Variants in CCDC57 observed in about 807,000 individuals in gnomAD.
The protein encoded by CCDC57 is coiled-coil domain-containing protein 57.
A neutral mutation model predicts 118.9 loss-of-function variants in CCDC57; 118 were observed. The observed-to-expected ratio is 0.99, with a 90% confidence interval of 0.86 to 1.16. The LOEUF (loss-of-function observed/expected upper bound fraction) is 1.16, where lower values mean the gene tolerates loss of function less well. CCDC57 is among the 50% of genes most tolerant of loss of function. CCDC57 has a pLI of 0.00. For synonymous variants in CCDC57, 527 were observed against 532.9 expected, an observed-to-expected ratio of 0.99 and a Z score of 0.15; for missense variants, 1,300 against 1,320.7, an observed-to-expected ratio of 0.98 and a Z score of 0.24.
intron 19 of CCDC57, chr17:82,106,374 C>G (rs1027893226): frequency 6.6e-6 from 1 of 152,486 alleles, no homozygotes; most frequent in Admixed American, 6.5e-5. Flanking sequence ...CAGAGCCCAT[C>G]TGAGCTCAGC....
chr17:82,143,202 C>T (rs4789678), intron 16 of CCDC57, among the ~76,000 whole-genome samples: 72,312 of 151,250 alleles, frequency 0.48, 18,042 homozygotes, highest in East Asian at 0.88. Context: ...ATTACACTGA[C>T]AGTACTATCC....
intron 15 of CCDC57, 68 bp from the exon 15 acceptor site, chr17:82,151,841 A>AC (rs2042105135): frequency 7.3e-7 from 1 of 1,373,790 alleles, no homozygotes; most frequent in African/African-American, 1.4e-5. Context: ...AGGGGTGCCC[A>AC]CCCAAGGAGC....
chr17:82,140,971 C>G (rs958540321), intron 16 of CCDC57, among the ~76,000 whole-genome samples: 1 of 116,312 alleles, frequency 8.6e-6, no homozygotes, highest in Non-Finnish European at 1.8e-5. Flanking sequence ...AAGCAAGAGG[C>G]TTTTATTTAT....
chr17:82,163,461 G>GA, intron 13 of CCDC57, 104 bp from the exon 13 acceptor site: 1 of 1,383,226 alleles, frequency 7.2e-7, no homozygotes, highest in Non-Finnish European at 9.8e-7. Context: ...GTGAGGCCAT[G>GA]GCACCAGCGG....
At chr17:82,115,492 C>T (rs1274446173) in intron 19 of CCDC57, among the ~76,000 whole-genome samples, 1 of 152,100 alleles carries the variant, frequency 6.6e-6, no homozygotes, top group Non-Finnish European at 1.5e-5. Context: ...TTTTATGGGC[C>T]AGGCATGGTG....
intron 19 of CCDC57, chr17:82,112,208 A>G: frequency 6.6e-6 from 1 of 152,370 alleles, no homozygotes; most frequent in South Asian, 2.1e-4. Flanking sequence ...TCCTGGCCTC[A>G]GGTGATCTGC....
At chr17:82,185,605 T>TGA (rs1442026258) in intron 8 of CCDC57, among the ~76,000 whole-genome samples, 3 of 150,182 alleles carry the variant, frequency 2.0e-5, no homozygotes, top group Admixed American at 2.0e-4. Context: ...GGTGACAGAG[T>TGA]GAGACCTTGT....
At chr17:82,208,732 C>T (rs1368627269) in intron 1 of CCDC57, among the ~76,000 whole-genome samples, 1 of 152,000 alleles carries the variant, frequency 6.6e-6, no homozygotes, top group Non-Finnish European at 1.5e-5. Context: ...GATGGGGTTC[C>T]ACTATATTGT....
chr17:82,113,050 T>C, intron 19 of CCDC57: 1 of 337,352 alleles, frequency 3.0e-6, no homozygotes. Flanking sequence ...ATGTATTTAC[T>C]TTGTTCTAAA....
Position 82,127,815 on chromosome 17 carries a change from C to T in CCDC57, c.2776G>A (p.Glu926Lys), listed in dbSNP as rs1185003351. ...GAGCTGTGGGATTGGCGACCATGCT[C>T]CTCAGGGTGCTGGGGAGCCTGGGGT... The change falls in exon 19 of 20, where the codon GAG becomes AAG. Residue 926 changes from glutamate (E) to lysine (K), a missense_variant. Coordinates refer to ENST00000665763, the Ensembl canonical transcript of CCDC57. The T allele has an allele frequency of 1.9e-6, 3 of 1,612,958 alleles. No individual in the cohort carries two copies. The South Asian group carries it at 3.3e-5, about 18-fold the overall frequency.
chr17:82,107,947 C>T (rs571067302), intron 19 of CCDC57, among the ~76,000 whole-genome samples: 47 of 152,310 alleles, frequency 3.1e-4, no homozygotes, highest in African/African-American at 9.6e-4. Flanking sequence ...GGCTTTGGAT[C>T]ACTCTGCACA....
At chr17:82,122,784 C>T (rs1369969894) in intron 19 of CCDC57, among the ~76,000 whole-genome samples, 2 of 152,254 alleles carry the variant, frequency 1.3e-5, no homozygotes, top group East Asian at 3.8e-4. Flanking sequence ...TCCAGGACTT[C>T]TCTCCTGAGT....
At chr17:82,207,614 C>T (rs538189337) in intron 2 of CCDC57, 89 of 152,330 alleles carry the variant, frequency 5.8e-4, no homozygotes, top group African/African-American at 2.1e-3. Flanking sequence ...CTCCAACTCA[C>T]TGGCCCCCTA....
chr17:82,148,258 A>ATGGATGGTAGATGGATGGATGGG (rs1394706917), intron 16 of CCDC57, among the ~76,000 whole-genome samples: 2 of 122,184 alleles, frequency 1.6e-5, no homozygotes, highest in Non-Finnish European at 1.7e-5. Context: ...GGATGGATGG[A>ATGGATGGTAGATGGATGGATGGG]TGGATGGTAG....
chr17:82,172,773 G>A lies in CCDC57; in HGVS notation c.1594C>T (p.Arg532Ter), dbSNP rs776119468. ...TTCCTCATCTGGGCAATCGCGTTTC[G>A]CAAGCTCGTGTTCTGCTCTCGGAGC... Residue 532 changes from arginine to a stop codon, truncating the protein, a stop_gained, in exon 12 of 20, where the codon CGA (arginine) becomes TGA (stop). Transcript: ENST00000665763. LOFTEE classifies it high-confidence loss of function. This position sits in a 1 kb window ranked among gnomAD's most constrained non-coding sequence, Gnocchi z 5.2. 10 of 1,612,872 alleles carry A rather than the reference G, an allele frequency of 6.2e-6. No individual in the cohort carries two copies. Among genetic ancestry groups the A allele is most frequent in the Admixed American group, 5.0e-5 (3 of 59,876 alleles).
chr17:82,113,319 G>A (rs1283743358), intron 19 of CCDC57: 6 of 688,134 alleles, frequency 8.7e-6, no homozygotes, highest in Non-Finnish European at 1.4e-5. Context: ...CAGTGACAAG[G>A]TGCTGTGGGG....
exon 3 of CCDC57, chr17:82,201,658 T>C (rs1330566579): frequency 6.2e-7 from 1 of 1,613,352 alleles, no homozygotes; most frequent in Admixed American, 1.7e-5. Context: ...TGCCTCTATC[T>C]TGAGCTCGCT....
chr17:82,143,482 AGG>A (rs923543880), intron 16 of CCDC57, among the ~76,000 whole-genome samples: 126 of 45,704 alleles, frequency 2.8e-3, no homozygotes, highest in African/African-American at 8.8e-3. Flanking sequence ...ACACACACAC[AGG>A]CACACACACA....
chr17:82,124,148 G>A (rs2037109157), intron 19 of CCDC57, among the ~76,000 whole-genome samples: 1 of 152,210 alleles, frequency 6.6e-6, no homozygotes, highest in African/African-American at 2.4e-5. Flanking sequence ...ACAGACCCCA[G>A]AAAGAGCAGA....
Sources: gnomAD v4.1 joint callset for allele counts (sites outside exome capture counted in the v4.1 genomes callset) on GRCh38, gnomAD v4.1.1 for gene constraint, Gnocchi (gnomAD v3.1) non-coding constraint, MANE v1.5 for transcripts, NCBI Gene and HGNC (gene_info 2026-07-23, HGNC 2026-07-21) for gene names.